The following RAP1B variants were observed in gnomAD, a reference collection of about 807,000 sequenced individuals.
The protein encoded by RAP1B is ras-related protein Rap-1b.
In RAP1B, 1 loss-of-function variant was observed where a neutral mutation model predicts 27.5. The observed-to-expected ratio is 0.04, with a 90% CI of 0.01 to 0.17. The LOEUF (loss-of-function observed/expected upper bound fraction) is 0.17. RAP1B is among the 10% of genes least tolerant of loss of function. RAP1B has a pLI of 1.00. For synonymous variants in RAP1B, 75 were observed against 73.1 expected (o/e 1.03, Z -0.13); for missense variants, 84 against 214.8 (o/e 0.39, Z 3.81).
chr12:68,621,276 A>G (rs1003302554), intron 1 of RAP1B, among the ~76,000 whole-genome samples: 6 of 152,240 alleles, frequency 3.9e-5, no homozygotes, highest in African/African-American at 1.4e-4. Context: ...CTGCTGTTCT[A>G]GCAATTCTGA....
chr12:68,624,164 G>C (rs1043107724), intron 1 of RAP1B, among the ~76,000 whole-genome samples: 25 of 152,184 alleles, frequency 1.6e-4, no homozygotes, highest in African/African-American at 6.0e-4. Flanking sequence ...CTTTGCCAAG[G>C]AATTGTTTGA....
chr12:68,654,288 A>G lies in RAP1B; in HGVS notation c.324+36A>G. 3 of 1,328,786 alleles carry G rather than the reference A, an allele frequency of 2.3e-6. No homozygotes were observed. The East Asian group carries it at 9.9e-5, about 44-fold the overall frequency. 82.3% of individuals were successfully genotyped at this position (1,328,786 alleles called of 1,614,324 possible). On this transcript the variant is annotated intron_variant, in intron 5 of 7. Coordinates refer to ENST00000250559, the MANE Select transcript of RAP1B (RefSeq NM_001010942.3). The stretch of plus-strand genomic sequence containing the variant: ...TTCCAAATAAATATATTTTATTTCA[A>G]AACCCTGATTATAATTGTTTAAGTC...
intron 1 of RAP1B, among the ~76,000 whole-genome samples, chr12:68,624,024 GAAAA>G (rs781541083): frequency 1.5e-5 from 2 of 131,880 alleles, no homozygotes; most frequent in African/African-American, 2.8e-5. Flanking sequence ...CTATCTCAGG[GAAAA>G]AAAAAAAAAA....
chr12:68,635,470 T>G (rs1477791444), intron 1 of RAP1B, among the ~76,000 whole-genome samples: 2 of 152,122 alleles, frequency 1.3e-5, no homozygotes, highest in Non-Finnish European at 2.9e-5. Context: ...TAAGGCCTCT[T>G]TTTTTGAGAC....
chr12:68,614,789 G>A (rs1870863488), intron 1 of RAP1B, among the ~76,000 whole-genome samples: 1 of 152,170 alleles, frequency 6.6e-6, no homozygotes, highest in African/African-American at 2.4e-5. Flanking sequence ...CCATGGCTCT[G>A]GAAGCTAGTG....
chr12:68,623,647 A>G (rs938803785), intron 1 of RAP1B, among the ~76,000 whole-genome samples: 1 of 152,218 alleles, frequency 6.6e-6, no homozygotes, highest in African/African-American at 2.4e-5. Flanking sequence ...TTGCCATTAT[A>G]TATTAGGATT....
At chr12:68,632,132 T>TTTTTTTTTTTTTTTTTTG (rs1872292984) in intron 1 of RAP1B, among the ~76,000 whole-genome samples, 1 of 132,298 alleles carries the variant, frequency 7.6e-6, no homozygotes, top group Non-Finnish European at 1.5e-5. Flanking sequence ...TGGATTTGTT[T>TTTTTTTTTTTTTTTTTTG]TTTTTTTTTT....
chr12:68,630,292 T>C (rs1872139890), intron 1 of RAP1B, among the ~76,000 whole-genome samples: 1 of 152,208 alleles, frequency 6.6e-6, no homozygotes, highest in African/African-American at 2.4e-5. Context: ...CAGTCTCTTA[T>C]CACAACCATT....
At chr12:68,627,785 A>G (rs1385572313) in intron 1 of RAP1B, among the ~76,000 whole-genome samples, 1 of 152,178 alleles carries the variant, frequency 6.6e-6, no homozygotes, top group African/African-American at 2.4e-5. Flanking sequence ...AAGTTTTGGT[A>G]GATAGCCTTG....
rs1409379658 is a variant in RAP1B at position 68,671,390 on chromosome 12, A to ACT, written c.*12144_*12145dup. The ACT allele has an allele frequency of 6.6e-6, 1 of 152,230 alleles. No individual in the cohort carries two copies. Among genetic ancestry groups the ACT allele is most frequent in the Non-Finnish European group, 1.5e-5 (1 of 68,040 alleles). 9.4% of individuals were successfully genotyped at this position (152,230 alleles called of 1,614,324 possible). Reference sequence around the variant, plus strand: ...AATGCACAAGATTATTTATTGCCACACTCTAGAAGGAAAAACAGAGTGCAT... The same window carrying ACT: ...AATGCACAAGATTATTTATTGCCACACTCTCTAGAAGGAAAAACAGAGTGCAT... On this transcript the variant is annotated 3_prime_UTR_variant, in exon 8 of 8. Coordinates refer to ENST00000250559, the MANE Select transcript of RAP1B (RefSeq NM_001010942.3).
In RAP1B at chr12:68,669,695, G is replaced by A. The variant is rs1170479836; in HGVS notation, c.*10446G>A. On this transcript the variant is annotated 3_prime_UTR_variant, in exon 8 of 8. Transcript: ENST00000250559. ...AGGTGCCTGTAATCCCAGCTACTCTGGAGGCTGAGGCAGGAGAATCGCTTG... is the reference window on the plus strand; with the variant it reads ...AGGTGCCTGTAATCCCAGCTACTCTAGAGGCTGAGGCAGGAGAATCGCTTG... 1 of 152,358 alleles carries A rather than the reference G, an allele frequency of 6.6e-6. No individual in the cohort carries two copies. Among genetic ancestry groups the A allele is most frequent in the Non-Finnish European group, 1.5e-5 (1 of 68,268 alleles). 9.4% of individuals were successfully genotyped at this position (152,358 alleles called of 1,614,324 possible). A position where few individuals can be genotyped will look rare whatever the true frequency, so the allele number is the denominator to read the frequency against.
intron 1 of RAP1B, among the ~76,000 whole-genome samples, chr12:68,615,449 C>T (rs542438277): frequency 2.0e-5 from 3 of 151,800 alleles, no homozygotes; most frequent in South Asian, 4.2e-4. Flanking sequence ...ATTACCTGGG[C>T]GTAGTGGGAG....
At chr12:68,641,381 TTTTG>T (rs1872992328) in intron 1 of RAP1B, among the ~76,000 whole-genome samples, 1 of 152,058 alleles carries the variant, frequency 6.6e-6, no homozygotes, top group South Asian at 2.1e-4. Context: ...CCAAAGGAGG[TTTTG>T]TTTTCTTGTC....
At chr12:68,613,485 A>G (rs1373384765) in intron 1 of RAP1B, among the ~76,000 whole-genome samples, 1 of 151,150 alleles carries the variant, frequency 6.6e-6, no homozygotes, top group African/African-American at 2.4e-5. Context: ...CATCTCTCTT[A>G]CCTTCTATGA....
intron 1 of RAP1B, among the ~76,000 whole-genome samples, chr12:68,638,417 C>T (rs796332875): frequency 6.6e-6 from 1 of 152,142 alleles, no homozygotes; most frequent in South Asian, 2.1e-4. Flanking sequence ...GTGGTTGCAT[C>T]TTGTCCTGGT....
At chr12:68,646,891 T>C (rs908405046) in intron 1 of RAP1B, among the ~76,000 whole-genome samples, 1 of 152,216 alleles carries the variant, frequency 6.6e-6, no homozygotes, top group Non-Finnish European at 1.5e-5. Context: ...ACTCTGAAAA[T>C]CTCAACCATT....
At chr12:68,631,616 A>T (rs1232716079) in intron 1 of RAP1B, among the ~76,000 whole-genome samples, 2 of 152,098 alleles carry the variant, frequency 1.3e-5, no homozygotes, top group Non-Finnish European at 2.9e-5. Flanking sequence ...GCTATAGTCT[A>T]ATTAATGTTC....
chr12:68,637,028 G>T (rs982592158), intron 1 of RAP1B, among the ~76,000 whole-genome samples: 1 of 152,030 alleles, frequency 6.6e-6, no homozygotes, highest in African/African-American at 2.4e-5. Flanking sequence ...GTCAATAATT[G>T]ATGTGAACTT....
rs1308564324 is a variant in RAP1B, at chr12:68,663,485, A to G, written c.*4236A>G. The G allele has an allele frequency of 6.6e-6, 1 of 152,216 alleles. No homozygotes were observed. The highest frequency in any genetic ancestry group is 1.5e-5 in the Non-Finnish European group (1 of 68,036). 9.4% of individuals were successfully genotyped at this position (152,216 alleles called of 1,614,324 possible). ...AAAATGGATGAGTCTGTGTTGGGAT[A>G]CCTGTTGAAACAAGACTACTAAACA... On this transcript the variant is annotated 3_prime_UTR_variant, in exon 8 of 8. Coordinates refer to ENST00000250559, the MANE Select transcript of RAP1B (RefSeq NM_001010942.3).
Sources: allele counts gnomAD v4.1 joint callset (sites outside exome capture counted in the v4.1 genomes callset), GRCh38; gene constraint gnomAD v4.1.1; transcripts MANE v1.5; gene names NCBI Gene and HGNC (gene_info 2026-07-23, HGNC 2026-07-21).